Variants in GPN1 observed in about 807,000 individuals in gnomAD.
GPN1 encodes the protein ATP(GTP)-binding protein.
Under a neutral mutation model 55.9 loss-of-function variants are expected in GPN1, and 44 were observed. That is an observed-to-expected ratio of 0.79 (90% CI 0.62 to 1.01). The LOEUF (loss-of-function observed/expected upper bound fraction) is 1.01, where lower values mean the gene tolerates loss of function less well. Ranked by LOEUF, GPN1 falls within the 50% of genes least tolerant of loss-of-function variation. GPN1 has a pLI of 0.00. For missense variants in GPN1, 466 were observed against 462.8 expected, an observed-to-expected ratio of 1.01 and a Z score of -0.06; for synonymous variants, 179 against 162.5, an observed-to-expected ratio of 1.10 and a Z score of -0.77.
In GPN1 at chr2:27,647,833, T is replaced by C. The variant is rs1009631679; in HGVS notation, c.932-3T>C. ...ATATCACTGATAGGTGTTTTCACTG[T>C]AGACAGCTTATCTCCTGTGCTGCAC... On this transcript the variant is annotated splice_region_variant and splice_polypyrimidine_tract_variant and intron_variant, in intron 12 of 13. Coordinates refer to ENST00000610189, the MANE Select transcript of GPN1 (RefSeq NM_007266.4). 1.3e-6 allele frequency: 2 copies of C among 1,588,112 alleles called. No individual in the cohort carries two copies. Among genetic ancestry groups the C allele is most frequent in the South Asian group, 1.1e-5 (1 of 90,498 alleles).
intron 9 of GPN1, among the ~76,000 whole-genome samples, chr2:27,639,333 T>C (rs1214235339): frequency 6.6e-6 from 1 of 152,114 alleles, no homozygotes; most frequent in East Asian, 1.9e-4. Flanking sequence ...CAGATCAAAA[T>C]GACAGATTTT....
Position 27,650,660 on chromosome 2 carries a change from A to T in GPN1, c.*460A>T, listed in dbSNP as rs1674485454. On this transcript the variant is annotated 3_prime_UTR_variant, in exon 14 of 14. Coordinates refer to ENST00000610189, the MANE Select transcript of GPN1 (RefSeq NM_007266.4). ...TTCTATTAGCAGCCAAGGAAAAGGG[A>T]AACATGAGCTTATCCAGAACGGTGG... 6.5e-6 allele frequency: 1 copy of T among 154,360 alleles called. No individual in the cohort carries two copies. The highest frequency in any genetic ancestry group is 2.0e-4 in the South Asian group (1 of 4,938). The allele number at this position is 154,360 out of a possible 1,614,324, so 9.6% of individuals were successfully genotyped here. A position where few individuals can be genotyped will look rare whatever the true frequency, so the allele number is the denominator to read the frequency against.
chr2:27,640,184 A>G (rs182096216), intron 10 of GPN1, 59 bp downstream of exon 10: 1 of 1,136,448 alleles, frequency 8.8e-7, no homozygotes, highest in Admixed American at 1.8e-5. Flanking sequence ...TTCTGATATG[A>G]AAGCAGTTTT....
chr2:27,637,554 T>A (rs1452957663), intron 7 of GPN1, among the ~76,000 whole-genome samples: 2 of 152,142 alleles, frequency 1.3e-5, no homozygotes, highest in African/African-American at 2.4e-5. Flanking sequence ...TTGAAAAAAA[T>A]TTTAATATTC....
Position 27,629,097 on chromosome 2 carries a change from T to A in GPN1, c.39T>A (p.Ser13=), listed in dbSNP as rs1553356303. 1 of 1,614,218 alleles carries A rather than the reference T, an allele frequency of 6.2e-7. No homozygotes were observed. The highest frequency in any genetic ancestry group is 8.5e-7 in the Non-Finnish European group (1 of 1,180,030). Residue 13 remains serine (S), a synonymous_variant, in exon 1 of 14, where the codon TCT becomes TCA. Transcript: ENST00000610189. ...ASAAAAELQA[S]GGPRHPVCLL... is the part of the protein sequence containing the mutation. ...CAGCTGCCGCTGAGCTCCAGGCTTCTGGGGGTCCGCGGCACCCAGTGTGTC... is the reference window on the plus strand; with the variant it reads ...CAGCTGCCGCTGAGCTCCAGGCTTCAGGGGGTCCGCGGCACCCAGTGTGTC...
Position 27,641,241 on chromosome 2 carries a change from G to A in GPN1, c.802G>A (p.Glu268Lys), listed in dbSNP as rs1216889233. Residue 268 changes from glutamate (E) to lysine (K), a missense_variant and splice_region_variant, in exon 11 of 14, where the codon GAG becomes AAG. Physicochemically the swap from Glu to Lys is moderately conservative, Grantham distance 56. Coordinates refer to ENST00000610189, the MANE Select transcript of GPN1 (RefSeq NM_007266.4). The stretch of plus-strand genomic sequence containing the variant: ...TTTAGAAAGTGTTTCTCTTTACAGG[G>A]AGTATCGTCCTGAATATGAACGTCT... ...VTSAAEEYER[E>K]YRPEYERLKK... 4.4e-6 allele frequency: 7 copies of A among 1,603,632 alleles called. No individual in the cohort carries two copies. Among genetic ancestry groups the A allele is most frequent in the Non-Finnish European group, 6.0e-6 (7 of 1,170,936 alleles).
intron 13 of GPN1, among the ~76,000 whole-genome samples, chr2:27,648,546 G>T (rs1206455602): frequency 6.6e-6 from 1 of 152,098 alleles, no homozygotes; most frequent in Non-Finnish European, 1.5e-5. Context: ...AATACATAAG[G>T]TTATATGGAC....
intron 1 of GPN1, 46 bp from the exon 2 acceptor site, chr2:27,629,813 T>C: frequency 4.0e-6 from 4 of 1,005,266 alleles, no homozygotes; most frequent in Non-Finnish European, 6.4e-6. Context: ...AGTTCTCTCT[T>C]GTCCCCTCTT....
At chr2:27,640,988 T>A (rs1390085574) in intron 10 of GPN1, among the ~76,000 whole-genome samples, 1 of 152,232 alleles carries the variant, frequency 6.6e-6, no homozygotes, top group Admixed American at 6.5e-5. Context: ...ATCAGTCATG[T>A]TCTCACCAAT....
intron 5 of GPN1, among the ~76,000 whole-genome samples, chr2:27,634,500 T>C (rs1673659150): frequency 6.6e-6 from 1 of 152,224 alleles, no homozygotes; most frequent in Non-Finnish European, 1.5e-5. Flanking sequence ...CTTCCTCTGT[T>C]CCACACTCAC....
intron 7 of GPN1, 64 bp downstream of exon 7, chr2:27,635,298 C>CTTT: frequency 4.5e-6 from 2 of 445,278 alleles, no homozygotes; most frequent in Non-Finnish European, 7.3e-6. Flanking sequence ...CTTCTTCTTC[C>CTTT]TCTTTTTTTT....
In GPN1 at chr2:27,643,184, A is replaced by C. The variant is rs976119988; in HGVS notation, c.931+665A>C. ...CTTTTAACCCTCCTCAATTTTTTTT[A>C]TAATTAAAAAAAATTTTTTTTTTTT... On this transcript the variant is annotated intron_variant, in intron 12 of 13. Coordinates refer to ENST00000610189, the MANE Select transcript of GPN1 (RefSeq NM_007266.4). This position sits in a 1 kb window ranked among gnomAD's most constrained non-coding sequence, Gnocchi z 4.0. Among the ~76,000 whole-genome samples the C allele has an allele frequency of 1.3e-5, 2 of 149,910 alleles. No homozygotes were observed. Among genetic ancestry groups the C allele is most frequent in the Non-Finnish European group, 3.0e-5 (2 of 67,534 alleles).
chr2:27,649,097 T>C (rs1025864259), intron 13 of GPN1, among the ~76,000 whole-genome samples: 2 of 151,776 alleles, frequency 1.3e-5, no homozygotes, highest in Non-Finnish European at 2.9e-5. Context: ...TACAAAAAAT[T>C]AGCTGGGCTT....
In GPN1 at chr2:27,643,414, G is replaced by A. The variant is rs953425542; in HGVS notation, c.931+895G>A. 6.6e-5 allele frequency among the ~76,000 whole-genome samples: 10 copies of A among 151,530 alleles called. No individual in the cohort carries two copies. Among genetic ancestry groups the A allele is most frequent in the Admixed American group, 5.3e-4 (8 of 15,228 alleles). Reference sequence around the variant, plus strand: ...TACAGATATAATACTCTTTTACCTTGAATAATTCAGTGTCTTTTTCCTAAA... The same window carrying A: ...TACAGATATAATACTCTTTTACCTTAAATAATTCAGTGTCTTTTTCCTAAA... On this transcript the variant is annotated intron_variant, in intron 12 of 13. Transcript: ENST00000610189. The surrounding 1 kb of genome is among the most constrained non-coding windows in gnomAD (Gnocchi z 4.0).
At chr2:27,648,018 G>C (rs1412697480) in intron 13 of GPN1, 75 bp downstream of exon 13, 17 of 829,394 alleles carry the variant, frequency 2.0e-5, no homozygotes, top group Non-Finnish European at 3.3e-5. Flanking sequence ...GGAGTTTCTT[G>C]CTTTAAGCGT....
chr2:27,640,036 T>C lies in GPN1; in HGVS notation c.718-7T>C, dbSNP rs1673875460. 6.3e-7 allele frequency: 1 copy of C among 1,589,586 alleles called. No individual in the cohort carries two copies. Among genetic ancestry groups the C allele is most frequent in the South Asian group, 1.1e-5 (1 of 90,260 alleles). ...TCTTTAGTGGCATTTATGATGCTTT[T>C]TGGCAGGTGGTGGGTGTCTCTGCTG... On this transcript the variant is annotated splice_polypyrimidine_tract_variant and splice_region_variant and intron_variant, in intron 9 of 13. Transcript: ENST00000610189.
At position 27,643,448 on chromosome 2, in the gene GPN1, T is replaced by C. The variant is rs1230674048; in HGVS notation, c.931+929T>C. 6.6e-6 allele frequency among the ~76,000 whole-genome samples: 1 copy of C among 152,148 alleles called. No individual in the cohort carries two copies. The highest frequency in any genetic ancestry group is 2.4e-5 in the African/African-American group (1 of 41,438). ...AGTGTCTTTTTCCTAAAAACAAGGA[T>C]ATAATTTTATATAACCTCAGTGCAG... On this transcript the variant is annotated intron_variant, in intron 12 of 13. Coordinates refer to ENST00000610189, the MANE Select transcript of GPN1 (RefSeq NM_007266.4). The surrounding 1 kb of genome is among the most constrained non-coding windows in gnomAD (Gnocchi z 4.0).
Position 27,629,916 on chromosome 2 carries a change from C to A in GPN1, c.169C>A (p.Pro57Thr). Residue 57 changes from proline (P) to threonine (T), a missense_variant, in exon 2 of 14, where the codon CCA becomes ACA. Physicochemically the swap from Pro to Thr is conservative, Grantham distance 38. Coordinates refer to ENST00000610189, the MANE Select transcript of GPN1 (RefSeq NM_007266.4). ...GTPPYVINLD[P>T]AVHEVPFPAN... is the part of the protein sequence containing the mutation. Reference sequence around the variant, plus strand: ...TCCACCGTATGTGATCAACCTGGATCCAGCAGTACATGAAGTTCCCTTTCC... The same window carrying A: ...TCCACCGTATGTGATCAACCTGGATACAGCAGTACATGAAGTTCCCTTTCC... 6.2e-7 allele frequency: 1 copy of A among 1,608,278 alleles called. No homozygotes were observed. Among genetic ancestry groups the A allele is most frequent in the Non-Finnish European group, 8.5e-7 (1 of 1,174,594 alleles).
chr2:27,638,422 G>C (rs1673815634), intron 8 of GPN1, among the ~76,000 whole-genome samples, 167 bp downstream of exon 8: 1 of 152,184 alleles, frequency 6.6e-6, no homozygotes, highest in South Asian at 2.1e-4. Flanking sequence ...AATTGAATGA[G>C]CAATTATTAC....
Sources: allele counts gnomAD v4.1 joint callset (sites outside exome capture counted in the v4.1 genomes callset), GRCh38; gene constraint gnomAD v4.1.1; non-coding constraint Gnocchi (gnomAD v3.1); transcripts MANE v1.5; gene names NCBI Gene and HGNC (gene_info 2026-07-23, HGNC 2026-07-21).